Variants in ABHD17B observed in about 807,000 individuals in gnomAD.
ABHD17B encodes the protein alpha/beta hydrolase domain-containing protein 17B.
In ABHD17B, 9 loss-of-function variants were observed where a neutral mutation model predicts 26.2. The ratio of observed to expected loss-of-function variants is 0.34; its 90% CI spans 0.21 to 0.60. The LOEUF (loss-of-function observed/expected upper bound fraction) is 0.60, where lower values mean the gene tolerates loss of function less well. ABHD17B is among the 20% of genes least tolerant of loss of function. ABHD17B has a pLI of 0.80. For synonymous variants in ABHD17B, 127 were observed against 122.3 expected, an observed-to-expected ratio of 1.04 and a Z score of -0.25; for missense variants, 224 against 352.1, an observed-to-expected ratio of 0.64 and a Z score of 2.91.
intron 1 of ABHD17B, among the ~76,000 whole-genome samples, chr9:71,887,081 C>A (rs192110338): frequency 3.5e-4 from 53 of 151,814 alleles, no homozygotes; most frequent in African/African-American, 1.3e-3. Flanking sequence ...ACTGAACAAA[C>A]GCCTTAATAA....
intron 1 of ABHD17B, among the ~76,000 whole-genome samples, chr9:71,875,296 G>C (rs1300065389): frequency 2.0e-5 from 3 of 151,122 alleles, no homozygotes; most frequent in African/African-American, 7.3e-5. Context: ...CGCAATCTCA[G>C]CTCATCATAA....
At chr9:71,906,896 G>A (rs1192568787) in intron 1 of ABHD17B, among the ~76,000 whole-genome samples, 1 of 152,084 alleles carries the variant, frequency 6.6e-6, no homozygotes, top group Non-Finnish European at 1.5e-5. Context: ...AAGGGATTCT[G>A]ATGTTGCTGG....
intron 1 of ABHD17B, among the ~76,000 whole-genome samples, chr9:71,896,740 C>A (rs1347510306): frequency 6.6e-6 from 1 of 151,920 alleles, no homozygotes; most frequent in Non-Finnish European, 1.5e-5. Flanking sequence ...ATAGGAGTGT[C>A]CCTCTCCTCA....
Position 71,866,811 on chromosome 9 carries a change from C to A in ABHD17B, c.843G>T (p.Val281=). Residue 281 remains valine (V), a synonymous_variant, in exon 4 of 4, where the codon GTG becomes GTT. Transcript: ENST00000333421. Reference sequence around the variant, plus strand: ...TTTACAAATTTACCAGTTCCTGTGACACAAACTGTTTCAACCTTTCAAGAT... The same window carrying A: ...TTTACAAATTTACCAGTTCCTGTGAAACAAACTGTTTCAACCTTTCAAGAT... ...GQYLERLKQF[V]SQELVNL is the part of the protein sequence containing the mutation. 6.2e-7 allele frequency: 1 copy of A among 1,614,154 alleles called. No homozygotes were observed. The highest frequency in any genetic ancestry group is 8.5e-7 in the Non-Finnish European group (1 of 1,180,020).
Sources: allele counts gnomAD v4.1 joint callset (sites outside exome capture counted in the v4.1 genomes callset), GRCh38; gene constraint gnomAD v4.1.1; transcripts MANE v1.5; gene names NCBI Gene and HGNC (gene_info 2026-07-23, HGNC 2026-07-21).